UNC79: variants seen among roughly 807,000 people sequenced by gnomAD.
The protein encoded by UNC79 is unc-79 subunit of NALCN channel complex.
UNC79 carries 37 observed loss-of-function variants against 283.1 expected under a neutral mutation model. The ratio of observed to expected loss-of-function variants is 0.13; its 90% confidence interval spans 0.10 to 0.17. UNC79 has a LOEUF of 0.17. Ranked by LOEUF, UNC79 falls within the 10% of genes least tolerant of loss-of-function variation. The pLI, the probability that UNC79 is intolerant of heterozygous loss-of-function variation, is 1.00. For missense variants in UNC79, 2,272 were observed against 3,211.1 expected (o/e 0.71, Z 7.07); for synonymous variants, 1,107 against 1,200.2 (o/e 0.92, Z 1.61).
intron 1 of UNC79, among the ~76,000 whole-genome samples, chr14:93,344,866 T>G (rs2053791065): frequency 6.6e-6 from 1 of 152,144 alleles, no homozygotes; most frequent in African/African-American, 2.4e-5. Context: ...GGTCCTTGAT[T>G]GGTTAGGGTA....
At chr14:93,347,432 G>A (rs1172381893) in intron 1 of UNC79, 2 of 1,434,756 alleles carry the variant, frequency 1.4e-6, no homozygotes, top group South Asian at 1.4e-5. Flanking sequence ...GGCGGGAAGC[G>A]CGTGGCCCTG....
chr14:93,677,630 A>C (rs1341550874), intron 41 of UNC79, among the ~76,000 whole-genome samples: 1 of 152,080 alleles, frequency 6.6e-6, no homozygotes, highest in Non-Finnish European at 1.5e-5. Flanking sequence ...GATGAGGAGA[A>C]ACGTTGTTTC....
chr14:93,415,431 T>C (rs902660933), intron 1 of UNC79, among the ~76,000 whole-genome samples: 2 of 152,230 alleles, frequency 1.3e-5, no homozygotes, highest in African/African-American at 2.4e-5. Flanking sequence ...CAGTATTTTA[T>C]TGAGGATTTT....
At chr14:93,610,772 A>C (rs931960471) in intron 26 of UNC79, among the ~76,000 whole-genome samples, 1 of 151,934 alleles carries the variant, frequency 6.6e-6, no homozygotes, top group African/African-American at 2.4e-5. Flanking sequence ...CACCATGTCC[A>C]GCTAATTTTT....
At chr14:93,500,763 C>T (rs901713532) in intron 7 of UNC79, among the ~76,000 whole-genome samples, 1 of 152,178 alleles carries the variant, frequency 6.6e-6, no homozygotes, top group African/African-American at 2.4e-5. Flanking sequence ...TTGAGCCCCA[C>T]ATTTTTCTAC....
chr14:93,597,684 A>G, intron 24 of UNC79, 144 bp downstream of exon 24: 1 of 974,862 alleles, frequency 1.0e-6, no homozygotes, highest in Admixed American at 3.1e-5. Flanking sequence ...ACAGAAATTT[A>G]TTTCGCAGAT....
intron 5 of UNC79, among the ~76,000 whole-genome samples, chr14:93,491,802 C>A (rs2058739960): frequency 6.6e-6 from 1 of 152,116 alleles, no homozygotes. Context: ...AGAGTTGCAT[C>A]TGTTATTTTA....
chr14:93,404,509 T>TATATATATATATATATATATAA (rs1566915254), intron 1 of UNC79, among the ~76,000 whole-genome samples: 6 of 113,980 alleles, frequency 5.3e-5, no homozygotes, highest in Non-Finnish European at 1.1e-4. Flanking sequence ...TATATATATA[T>TATATATATATATATATATATAA]ATATAAATAT....
chr14:93,359,821 T>C (rs2054183065), intron 1 of UNC79, among the ~76,000 whole-genome samples: 1 of 152,168 alleles, frequency 6.6e-6, no homozygotes, highest in Non-Finnish European at 1.5e-5. Flanking sequence ...GCCGGGTCTC[T>C]TTGAGGAAGG....
chr14:93,369,135 C>T (rs1016706581), intron 1 of UNC79, among the ~76,000 whole-genome samples: 7 of 152,178 alleles, frequency 4.6e-5, no homozygotes, highest in Non-Finnish European at 1.0e-4. Flanking sequence ...CATACATTAA[C>T]CCAAAGGGTG....
chr14:93,527,790 A>G (rs953178605), intron 8 of UNC79, among the ~76,000 whole-genome samples: 9 of 152,228 alleles, frequency 5.9e-5, no homozygotes, highest in Admixed American at 5.9e-4. Context: ...ATTTAAATTT[A>G]TGCAAAGTAC....
intron 35 of UNC79, among the ~76,000 whole-genome samples, chr14:93,650,851 T>G (rs1300556390): frequency 6.6e-6 from 1 of 152,226 alleles, no homozygotes; most frequent in Non-Finnish European, 1.5e-5. Flanking sequence ...CTAAGAAACC[T>G]TTGTTTACTT....
At chr14:93,404,493 A>AAAAAAAAAAAAAAAAAAATATATATATAT in intron 1 of UNC79, among the ~76,000 whole-genome samples, 1 of 61,508 alleles carries the variant, frequency 1.6e-5, no homozygotes, top group East Asian at 2.8e-4. Context: ...TTCTAAAAAA[A>AAAAAAAAAAAAAAAAAAATATATATATAT]ATATATATAT....
At chr14:93,587,304 T>C (rs1354415168) in intron 22 of UNC79, among the ~76,000 whole-genome samples, 2 of 152,214 alleles carry the variant, frequency 1.3e-5, no homozygotes, top group East Asian at 3.8e-4. Flanking sequence ...TCTCTCCATA[T>C]ACTATCTGAT....
chr14:93,632,371 T>G (rs2068097596), intron 31 of UNC79, among the ~76,000 whole-genome samples: 1 of 152,138 alleles, frequency 6.6e-6, no homozygotes, highest in African/African-American at 2.4e-5. Flanking sequence ...ATCATAAAAG[T>G]GTATCTTCTC....
chr14:93,679,605 C>T lies in UNC79; in HGVS notation c.6742-3012C>T, dbSNP rs115261036. Among the ~76,000 whole-genome samples the T allele has an allele frequency of 5.8e-3, 885 of 152,260 alleles. 16 individuals are homozygous for T. Among genetic ancestry groups the T allele is most frequent in the African/African-American group, 0.021 (861 of 41,556 alleles). ...TCGTTGTGGGCTGGAGGACAGAGAA[C>T]TGGTGGAGGAACAGCTGTTGTTTTT... is the stretch of plus-strand genomic sequence containing the variant. On this transcript the variant is annotated intron_variant, in intron 41 of 48. Transcript: ENST00000555664.
intron 1 of UNC79, among the ~76,000 whole-genome samples, chr14:93,335,749 G>A (rs951415913): frequency 6.6e-6 from 1 of 152,240 alleles, no homozygotes; most frequent in African/African-American, 2.4e-5. Flanking sequence ...AAGAAACAAA[G>A]TGAGAGAAAG....
At chr14:93,413,281 G>T (rs2055374993) in intron 1 of UNC79, among the ~76,000 whole-genome samples, 2 of 150,552 alleles carry the variant, frequency 1.3e-5, no homozygotes, top group South Asian at 4.2e-4. Context: ...GCGGTGTTTG[G>T]TTTTTTGTCC....
Position 93,617,638 on chromosome 14 carries a change from C to T in UNC79, c.4224+334C>T, listed in dbSNP as rs1340701637. 6.6e-6 allele frequency among the ~76,000 whole-genome samples: 1 copy of T among 152,138 alleles called. No homozygotes were observed. Among genetic ancestry groups the T allele is most frequent in the Non-Finnish European group, 1.5e-5 (1 of 68,030 alleles). ...AGATATCTGAAATTGTATTCATCCA[C>T]TAAAGGTTTATGCCAGATAATTTTC... On this transcript the variant is annotated intron_variant, in intron 28 of 48. Coordinates refer to ENST00000555664, the Ensembl canonical transcript of UNC79. The surrounding 1 kb of genome is among the most constrained non-coding windows in gnomAD (Gnocchi z 4.5).
Sources: gnomAD v4.1 joint callset for allele counts (sites outside exome capture counted in the v4.1 genomes callset) on GRCh38, gnomAD v4.1.1 for gene constraint, Gnocchi (gnomAD v3.1) non-coding constraint, MANE v1.5 for transcripts, NCBI Gene and HGNC (gene_info 2026-07-23, HGNC 2026-07-21) for gene names.